The following UBA52 variants were observed in gnomAD, a reference collection of about 807,000 sequenced individuals.
The protein encoded by UBA52 is ubiquitin-ribosomal protein eL40 fusion protein.
In UBA52, 1 loss-of-function variant was observed where a neutral mutation model predicts 15.3. The ratio of observed to expected loss-of-function variants is 0.07; its 90% CI spans 0.02 to 0.31. UBA52 has a LOEUF of 0.31. UBA52 is among the 10% of genes least tolerant of loss of function. UBA52 has a pLI of 1.00. For synonymous variants in UBA52, 50 were observed against 58.3 expected, an observed-to-expected ratio of 0.86 and a Z score of 0.65; for missense variants, 87 against 168.0, an observed-to-expected ratio of 0.52 and a Z score of 2.66.
chr19:18,565,176 G>T, the UBA52 span: 1 of 1,420,888 alleles, frequency 7.0e-7, no homozygotes, highest in Non-Finnish European at 9.2e-7. Context: ...TCCAACCCTG[G>T]GATAAAATCT....
At chr19:18,573,230 T>A (rs1975597084) in intron 1 of UBA52, 63 bp from the exon 2 acceptor site, 17 of 1,502,144 alleles carry the variant, frequency 1.1e-5, no homozygotes, top group Non-Finnish European at 1.3e-5. Context: ...TGTAGGCACC[T>A]GAGCTTGTGC....
At chr19:18,574,077 A>G (rs896682577) in intron 3 of UBA52, among the ~76,000 whole-genome samples, 1 of 151,986 alleles carries the variant, frequency 6.6e-6, no homozygotes, top group Non-Finnish European at 1.5e-5. Flanking sequence ...CAAGGTCAAG[A>G]GATTGAGATC....
chr19:18,570,493 C>A (rs1264022081), upstream of UBA52, among the ~76,000 whole-genome samples: 2 of 149,670 alleles, frequency 1.3e-5, no homozygotes, highest in South Asian at 2.1e-4. Context: ...TGAACCACTG[C>A]ACCCGCCGTG....
chr19:18,569,371 AG>A (rs887252219), upstream of UBA52: 29 of 152,724 alleles, frequency 1.9e-4, no homozygotes, highest in African/African-American at 6.7e-4. Context: ...ATTACTAAAA[AG>A]GGAAAAGTAC....
At chr19:18,566,329 G>A in the UBA52 span, among the ~76,000 whole-genome samples, 2 of 152,028 alleles carry the variant, frequency 1.3e-5, no homozygotes, top group Non-Finnish European at 2.9e-5. Context: ...TTAGCTGGGC[G>A]TGGTGGTGGG....
upstream of UBA52, among the ~76,000 whole-genome samples, chr19:18,566,809 T>A (rs962501241): frequency 2.0e-5 from 3 of 151,066 alleles, no homozygotes; most frequent in Non-Finnish European, 4.4e-5. Context: ...AAAAAAAAAA[T>A]TTATCAGAGA....
chr19:18,569,784 A>G (rs1021723377), upstream of UBA52, among the ~76,000 whole-genome samples: 2 of 151,952 alleles, frequency 1.3e-5, no homozygotes, highest in African/African-American at 4.8e-5. Context: ...CTGTAATCCC[A>G]GCACTTTGGG....
chr19:18,572,464 G>A (rs954902346), intron 1 of UBA52: 2 of 152,118 alleles, frequency 1.3e-5, no homozygotes, highest in Non-Finnish European at 2.9e-5. Context: ...CGAGTAGCTG[G>A]GATTATAGGC....
chr19:18,569,892 G>A (rs1263319541), upstream of UBA52, among the ~76,000 whole-genome samples: 2 of 152,032 alleles, frequency 1.3e-5, no homozygotes, highest in Admixed American at 1.3e-4. Flanking sequence ...AAATTAGCTG[G>A]GTGTGGTGGT....
At chr19:18,564,849 T>C in the UBA52 span, 1 of 1,612,930 alleles carries the variant, frequency 6.2e-7, no homozygotes, top group South Asian at 1.1e-5. Flanking sequence ...GTGAAGCTCA[T>C]GCCCTCTCTC....
chr19:18,566,594 C>T, the UBA52 span, among the ~76,000 whole-genome samples: 10 of 152,048 alleles, frequency 6.6e-5, no homozygotes, highest in East Asian at 1.9e-3. Context: ...AGTTTGAGAC[C>T]AGCCTGGCCA....
chr19:18,571,298 G>A (rs1287864992), upstream of UBA52, among the ~76,000 whole-genome samples: 1 of 114,734 alleles, frequency 8.7e-6, no homozygotes, highest in African/African-American at 3.6e-5. Flanking sequence ...CAACGAGAGC[G>A]AAACTCCGTC....
chr19:18,568,022 C>G (rs112311079), upstream of UBA52, among the ~76,000 whole-genome samples: 235 of 152,304 alleles, frequency 1.5e-3, no homozygotes, highest in African/African-American at 5.1e-3. Context: ...AATCCCAACA[C>G]TTTGGGAGGC....
chr19:18,570,025 G>C (rs1288270364), upstream of UBA52, among the ~76,000 whole-genome samples: 2 of 152,196 alleles, frequency 1.3e-5, no homozygotes, highest in East Asian at 1.9e-4. Flanking sequence ...GACCAAAACT[G>C]TTGTCTCAAA....
At chr19:18,569,974 T>C (rs1402558873), upstream of UBA52, among the ~76,000 whole-genome samples, 1 of 152,100 alleles carries the variant, frequency 6.6e-6, no homozygotes, top group East Asian at 1.9e-4. Context: ...GAGGTTGCAG[T>C]GAGCCAAGAT....
the UBA52 span, among the ~76,000 whole-genome samples, chr19:18,564,174 C>T: frequency 2.1e-4 from 32 of 152,186 alleles, no homozygotes; most frequent in South Asian, 5.6e-3. Flanking sequence ...CATGAGCCCC[C>T]ATGCCCGGCT....
In UBA52 at chr19:18,575,736, TTTTGTTTGTTTG is replaced by T. The variant is rs369757047; in HGVS notation, c.*602_*613del. 6.6e-3 allele frequency: 1,059 copies of T among 159,616 alleles called. 9 individuals are homozygous for T. Among genetic ancestry groups the T allele is most frequent in the Non-Finnish European group, 0.011 (777 of 73,226 alleles). The allele number at this position is 159,616 out of a possible 1,614,324, so 9.9% of individuals were successfully genotyped here. ...GCCATGCCTGACCCAGTTCTCAGTT[TTTTGTTTGTTTG>T]TTTGTTTGTTTGTTTTGAGACGGAG... On this transcript the variant is annotated 3_prime_UTR_variant, in exon 5 of 5. Coordinates refer to ENST00000442744, the MANE Select transcript of UBA52 (RefSeq NM_001033930.3).
At chr19:18,565,218 G>GAT in the UBA52 span, 11 of 1,308,314 alleles carry the variant, frequency 8.4e-6, no homozygotes, top group East Asian at 2.9e-4. Context: ...TTGATTAATT[G>GAT]ATCGAGACAG....
Position 18,575,648 on chromosome 19 carries a change from T to A in UBA52, c.*498T>A, listed in dbSNP as rs1975750976. The A allele has an allele frequency of 5.9e-6, 1 of 168,474 alleles. No homozygotes were observed. The highest frequency in any genetic ancestry group is 2.4e-5 in the African/African-American group (1 of 41,702). 10.4% of individuals were successfully genotyped at this position (168,474 alleles called of 1,614,324 possible). On this transcript the variant is annotated 3_prime_UTR_variant, in exon 5 of 5. Coordinates refer to ENST00000442744, the MANE Select transcript of UBA52 (RefSeq NM_001033930.3). ...TATGTTGTCCAGGCTGGTCTTGAAC[T>A]CCTGGGCTCAAGCCATCCGCCCATC... is the stretch of plus-strand genomic sequence containing the variant.
Sources: allele counts gnomAD v4.1 joint callset (sites outside exome capture counted in the v4.1 genomes callset), GRCh38; gene constraint gnomAD v4.1.1; transcripts MANE v1.5; gene names NCBI Gene and HGNC (gene_info 2026-07-23, HGNC 2026-07-21).